SAMMSON: variants seen among roughly 807,000 people sequenced by gnomAD.
SAMMSON encodes the protein long intergenic non-protein coding RNA 1212.
At chr3:70,324,184 TATCTATCTATCTATC>T (rs1299151389) in intron 7 of SAMMSON, among the ~76,000 whole-genome samples, 9 of 102,324 alleles carry the variant, frequency 8.8e-5, no homozygotes, top group South Asian at 2.9e-4. Flanking sequence ...TCTATCTATC[TATCTATCTATCTATC>T]ATCTATCTAT....
intron 4 of SAMMSON, among the ~76,000 whole-genome samples, chr3:70,077,595 T>C (rs750284600): frequency 1.3e-5 from 2 of 152,174 alleles, no homozygotes; most frequent in African/African-American, 2.4e-5. Flanking sequence ...ATTACATATA[T>C]GTAACATGTG....
At chr3:70,049,987 C>G (rs1206503741) in intron 3 of SAMMSON, among the ~76,000 whole-genome samples, 1 of 152,008 alleles carries the variant, frequency 6.6e-6, no homozygotes, top group African/African-American at 2.4e-5. Flanking sequence ...GGGAGACTTG[C>G]AAGATTCTAT....
chr3:70,218,839 T>C (rs1214149125), intron 4 of SAMMSON, among the ~76,000 whole-genome samples: 1 of 152,200 alleles, frequency 6.6e-6, no homozygotes, highest in Non-Finnish European at 1.5e-5. Flanking sequence ...GTTTGCTCTT[T>C]GTCCAAGCAT....
chr3:70,030,659 G>C (rs1375834667), intron 3 of SAMMSON: 2 of 152,082 alleles, frequency 1.3e-5, no homozygotes, highest in Non-Finnish European at 2.9e-5. Context: ...TTTTAAGCAT[G>C]TGTTTGTCTA....
chr3:70,411,536 T>C (rs1350090796), intron 2 of SAMMSON, among the ~76,000 whole-genome samples: 1 of 152,224 alleles, frequency 6.6e-6, no homozygotes. Flanking sequence ...ATCACAATGA[T>C]ATGGTTTGGC....
At chr3:70,272,862 A>G (rs1701987540) in intron 6 of SAMMSON, among the ~76,000 whole-genome samples, 1 of 152,246 alleles carries the variant, frequency 6.6e-6, no homozygotes, top group Non-Finnish European at 1.5e-5. Context: ...GGGAAATAAA[A>G]AAGAGATCAG....
chr3:70,418,338 G>A (rs1001611146), intron 2 of SAMMSON, among the ~76,000 whole-genome samples: 9 of 152,164 alleles, frequency 5.9e-5, no homozygotes, highest in African/African-American at 1.9e-4. Context: ...GTTACTCTCT[G>A]TTCATTTTAA....
At chr3:70,126,023 AAG>A (rs2067457105) in intron 4 of SAMMSON, 11 of 915,630 alleles carry the variant, frequency 1.2e-5, no homozygotes, top group Non-Finnish European at 1.7e-5. Context: ...ATTGATCTAA[AAG>A]CTGTGGGCAA....
At position 70,236,124 on chromosome 3, in the gene SAMMSON, T is replaced by C. The variant is rs564635884; in HGVS notation, n.508-12983T>C. On this transcript the variant is annotated intron_variant and non_coding_transcript_variant, in intron 4 of 9. Transcript: ENST00000642114. ...TCCCTTGCTAACCTAACTTATTCTC[T>C]AATGACCTGTTGACCTTATTCATTC... Among the ~76,000 whole-genome samples, 5 of 152,338 alleles carry C rather than the reference T, an allele frequency of 3.3e-5. No homozygotes were observed. The East Asian group carries it at 9.7e-4, about 29-fold the overall frequency.
intron 3 of SAMMSON, among the ~76,000 whole-genome samples, chr3:70,052,039 A>G (rs1186858630): frequency 6.6e-6 from 1 of 152,138 alleles, no homozygotes; most frequent in Non-Finnish European, 1.5e-5. Context: ...TTGAGGCTGC[A>G]GTGAGCTGTG....
chr3:70,053,029 C>A (rs2067152101), intron 3 of SAMMSON, among the ~76,000 whole-genome samples: 1 of 152,114 alleles, frequency 6.6e-6, no homozygotes, highest in African/African-American at 2.4e-5. Flanking sequence ...CCTATCAGTG[C>A]TCTGAAAAGC....
chr3:70,026,154 G>T (rs779992835), intron 3 of SAMMSON, among the ~76,000 whole-genome samples: 1 of 152,164 alleles, frequency 6.6e-6, no homozygotes, highest in East Asian at 1.9e-4. Flanking sequence ...TTGCTAAGGT[G>T]CTAAGTTATT....
intron 7 of SAMMSON, among the ~76,000 whole-genome samples, chr3:70,293,764 T>C (rs1396575106): frequency 1.3e-5 from 2 of 152,042 alleles, no homozygotes; most frequent in African/African-American, 4.8e-5. Context: ...AGGAAAAATA[T>C]AACAATGAGT....
intron 2 of SAMMSON, among the ~76,000 whole-genome samples, chr3:70,420,418 A>G (rs761342790): frequency 6.6e-6 from 1 of 152,204 alleles, no homozygotes; most frequent in Non-Finnish European, 1.5e-5. Flanking sequence ...AAAATGGGGA[A>G]AGTGACTGTC....
intron 4 of SAMMSON, among the ~76,000 whole-genome samples, chr3:70,168,558 T>G (rs879610593): frequency 6.6e-6 from 1 of 152,014 alleles, no homozygotes; most frequent in Non-Finnish European, 1.5e-5. Flanking sequence ...AATATGCGAC[T>G]ATCAGAAAAG....
At chr3:70,224,373 T>C (rs1701485241) in intron 4 of SAMMSON, among the ~76,000 whole-genome samples, 1 of 152,212 alleles carries the variant, frequency 6.6e-6, no homozygotes, top group Non-Finnish European at 1.5e-5. Context: ...ATGGCTGAGC[T>C]GCTTTATTTC....
intron 9 of SAMMSON, among the ~76,000 whole-genome samples, chr3:70,369,130 A>G (rs921901639): frequency 6.6e-6 from 1 of 151,568 alleles, no homozygotes; most frequent in Non-Finnish European, 1.5e-5. Flanking sequence ...TTAAATATAA[A>G]TTATATTATT....
intron 4 of SAMMSON, among the ~76,000 whole-genome samples, chr3:70,239,244 T>C (rs1233037678): frequency 6.6e-6 from 1 of 152,190 alleles, no homozygotes; most frequent in Non-Finnish European, 1.5e-5. Flanking sequence ...CTTGTAGATA[T>C]TGTTATCTTG....
At chr3:70,058,487 TA>T (rs2067175817) in intron 3 of SAMMSON, among the ~76,000 whole-genome samples, 1 of 152,094 alleles carries the variant, frequency 6.6e-6, no homozygotes, top group African/African-American at 2.4e-5. Flanking sequence ...CAGGTTTATA[TA>T]CTTTGAAGTA....
Sources: allele counts gnomAD v4.1 joint callset (sites outside exome capture counted in the v4.1 genomes callset), GRCh38; gene constraint gnomAD v4.1.1; transcripts MANE v1.5; gene names NCBI Gene and HGNC (gene_info 2026-07-23, HGNC 2026-07-21).